Variants in HCLS1 observed in about 807,000 individuals in gnomAD.
The protein encoded by HCLS1 is hematopoietic lineage cell-specific protein.
HCLS1 carries 44 observed loss-of-function variants against 68.6 expected under a neutral mutation model. The ratio of observed to expected loss-of-function variants is 0.64; its 90% CI spans 0.50 to 0.82. HCLS1 has a LOEUF of 0.82. Among genes scored for constraint, HCLS1 ranks in the 40% least tolerant of loss-of-function variants. HCLS1 has a pLI of 0.00. For synonymous variants in HCLS1, 217 were observed against 225.8 expected (o/e 0.96, Z 0.35); for missense variants, 602 against 612.1 (o/e 0.98, Z 0.17).
chr3:121,637,999 G>C (rs2049165859), intron 6 of HCLS1, among the ~76,000 whole-genome samples: 1 of 152,052 alleles, frequency 6.6e-6, no homozygotes, highest in Non-Finnish European at 1.5e-5. Context: ...AGAAACCAGA[G>C]ACAAAGAGAT....
In HCLS1 at chr3:121,631,905, C is replaced by T. The variant is rs1306576458; in HGVS notation, c.1402G>A (p.Gly468Arg). The T allele has an allele frequency of 4.3e-6, 7 of 1,614,030 alleles. No homozygotes were observed. The highest frequency in any genetic ancestry group is 1.7e-5 in the Admixed American group (1 of 60,006). Residue 468 changes from glycine to arginine, a missense_variant, in exon 14 of 14, where the codon GGA (glycine) becomes AGA (arginine). Physicochemically the swap from Gly to Arg is moderately radical, Grantham distance 125. Coordinates refer to ENST00000314583, the MANE Select transcript of HCLS1 (RefSeq NM_005335.6). Reference sequence around the variant, plus strand: ...AGTCCAAAGTGGCCATGGCAACGTCCCCGCCACCAGCCCTCGTCCACCATC... The same window carrying T: ...AGTCCAAAGTGGCCATGGCAACGTCTCCGCCACCAGCCCTCGTCCACCATC... ...IEMVDEGWWR[G>R]RCHGHFGLFP...
Position 121,633,113 on chromosome 3 carries a change from C to T in HCLS1, c.962G>A (p.Arg321Lys), listed in dbSNP as rs780621432. Residue 321 changes from arginine (R) to lysine (K), a missense_variant, in exon 11 of 14, where the codon AGG (arginine) becomes AAG (lysine). By Grantham distance (26) the Arg-to-Lys change is conservative. Transcript: ENST00000314583. Reference sequence around the variant, plus strand: ...GGGCAGCAAGGGCACTGGGTGTTCCCTGCTGGTTCTCACAGGCTCAGACTC... The same window carrying T: ...GGGCAGCAAGGGCACTGGGTGTTCCTTGCTGGTTCTCACAGGCTCAGACTC... ...SSESEPVRTS[R>K]EHPVPLLPIR... 1.9e-6 allele frequency: 3 copies of T among 1,613,494 alleles called. No homozygotes were observed. Among genetic ancestry groups the T allele is most frequent in the Non-Finnish European group, 2.5e-6 (3 of 1,179,722 alleles).
At chr3:121,651,577 C>T (rs1334646597) in intron 3 of HCLS1, among the ~76,000 whole-genome samples, 2 of 152,086 alleles carry the variant, frequency 1.3e-5, no homozygotes, top group South Asian at 4.1e-4. Flanking sequence ...GCTCAGACCA[C>T]AGCCAGCCAA....
chr3:121,636,496 G>A lies in HCLS1; in HGVS notation c.566-7C>T, dbSNP rs976938477. 1.4e-5 allele frequency: 22 copies of A among 1,611,792 alleles called. No homozygotes were observed. The highest frequency in any genetic ancestry group is 1.8e-5 in the Non-Finnish European group (21 of 1,177,980). ...CCAAAGCCCTTGGCATAATCTGCAG[G>A]ACAGAAAGTTCTGAGTTATAGGAGA... On this transcript the variant is annotated splice_region_variant and splice_polypyrimidine_tract_variant and intron_variant, in intron 7 of 13. Transcript: ENST00000314583.
intron 4 of HCLS1, among the ~76,000 whole-genome samples, chr3:121,646,342 G>C (rs1362583553): frequency 2.3e-5 from 2 of 86,926 alleles, no homozygotes; most frequent in African/African-American, 4.7e-5. Flanking sequence ...ATTAATTATA[G>C]TATATAATAT....
intron 4 of HCLS1, among the ~76,000 whole-genome samples, chr3:121,646,883 T>C (rs1372801672): frequency 6.9e-6 from 1 of 144,830 alleles, no homozygotes; most frequent in African/African-American, 2.5e-5. Context: ...TGGCTCTTAT[T>C]ATAGAGGTAT....
intron 3 of HCLS1, among the ~76,000 whole-genome samples, chr3:121,648,238 C>T (rs1937653383): frequency 6.6e-6 from 1 of 152,146 alleles, no homozygotes; most frequent in Non-Finnish European, 1.5e-5. Flanking sequence ...TGCTATAACA[C>T]TTTAAGCCTC....
chr3:121,641,341 AG>A (rs778968400), intron 6 of HCLS1, among the ~76,000 whole-genome samples: 2 of 152,270 alleles, frequency 1.3e-5, no homozygotes, highest in Non-Finnish European at 2.9e-5. Context: ...TGCAACATAA[AG>A]ACATTTTTCA....
intron 6 of HCLS1, among the ~76,000 whole-genome samples, chr3:121,638,962 C>T (rs1266063671): frequency 6.6e-6 from 1 of 151,646 alleles, no homozygotes; most frequent in African/African-American, 2.4e-5. Context: ...AGGAGGGTGA[C>T]TTGAGCCCGG....
chr3:121,644,648 T>C, intron 5 of HCLS1, 170 bp downstream of exon 5: 1 of 709,056 alleles, frequency 1.4e-6, no homozygotes. Flanking sequence ...GCTTCCAACA[T>C]TGGCACCAAG....
Position 121,632,356 on chromosome 3 carries a change from A to C in HCLS1, c.1216T>G (p.Ser406Ala). ...DYEEVLEPED[S>A]SFSSALAGSS... ...CCAGCCAGAGCAGAAGAAAAAGAAG[A>C]ATCTTCAGGCTCGAGCACCTCCTCA... is the stretch of plus-strand genomic sequence containing the variant. The change falls in exon 12 of 14, where the codon TCT becomes GCT. Residue 406 changes from serine (S) to alanine (A), a missense_variant. Ser to Ala is a moderately conservative substitution (Grantham distance 99). Transcript: ENST00000314583. 1 of 1,614,094 alleles carries C rather than the reference A, an allele frequency of 6.2e-7. No homozygotes were observed. Among genetic ancestry groups the C allele is most frequent in the Non-Finnish European group, 8.5e-7 (1 of 1,180,020 alleles).
At chr3:121,635,168 G>A (rs2049137079) in intron 9 of HCLS1, among the ~76,000 whole-genome samples, 1 of 147,220 alleles carries the variant, frequency 6.8e-6, no homozygotes, top group Non-Finnish European at 1.5e-5. Context: ...ACGTCACTCT[G>A]TCTATCCACT....
chr3:121,633,306 C>T, intron 10 of HCLS1, 135 bp from the exon 11 acceptor site: 1 of 599,352 alleles, frequency 1.7e-6, no homozygotes. Flanking sequence ...ACCTCCGCCT[C>T]CCAGGTTCAA....
intron 1 of HCLS1, among the ~76,000 whole-genome samples, chr3:121,659,782 C>A (rs1937952022): frequency 6.6e-6 from 1 of 152,136 alleles, no homozygotes; most frequent in Non-Finnish European, 1.5e-5. Context: ...AAAGGACTGT[C>A]ACACAGAAAA....
Position 121,634,426 on chromosome 3 carries a change from C to G in HCLS1, c.692-8G>C. The stretch of plus-strand genomic sequence containing the variant: ...CACGGGTACCACTAGAAGCTGCAGA[C>G]ACAGGCAAGAAAAATTAGGGTTGTC... On this transcript the variant is annotated splice_polypyrimidine_tract_variant and splice_region_variant and intron_variant, in intron 9 of 13. Transcript: ENST00000314583. The G allele has an allele frequency of 6.2e-7, 1 of 1,613,734 alleles. No individual in the cohort carries two copies. Among genetic ancestry groups the G allele is most frequent in the Non-Finnish European group, 8.5e-7 (1 of 1,179,724 alleles).
intron 5 of HCLS1, chr3:121,644,323 A>G (rs1397526579): frequency 1.2e-5 from 3 of 246,662 alleles, no homozygotes; most frequent in Non-Finnish European, 1.7e-5. Flanking sequence ...TTTGTTTTGT[A>G]CAAAGGAGTC....
In HCLS1 at chr3:121,647,364, A is replaced by G. The variant is rs1336376123; in HGVS notation, c.243T>C (p.His81=). The G allele has an allele frequency of 1.2e-6, 2 of 1,613,716 alleles. No individual in the cohort carries two copies. Among genetic ancestry groups the G allele is most frequent in the African/African-American group, 1.3e-5 (1 of 74,838 alleles). ...KEMESGPKAS[H]GYGGRFGVER... is the part of the protein sequence containing the mutation. Reference sequence around the variant, plus strand: ...CTACTCCAAACCGACCTCCATAGCCATGGGATGCTTTGGGCCCTGACTCCA... The same window carrying G: ...CTACTCCAAACCGACCTCCATAGCCGTGGGATGCTTTGGGCCCTGACTCCA... Residue 81 remains histidine, a synonymous_variant, in exon 4 of 14, where the codon CAT becomes CAC. Coordinates refer to ENST00000314583, the MANE Select transcript of HCLS1 (RefSeq NM_005335.6).
intron 3 of HCLS1, among the ~76,000 whole-genome samples, chr3:121,652,483 G>A (rs1487310873): frequency 7.9e-5 from 12 of 152,066 alleles, no homozygotes; most frequent in South Asian, 4.2e-4. Context: ...GTTAAACCCC[G>A]TCTCTACTAA....
intron 5 of HCLS1, 23 bp from the exon 6 acceptor site, chr3:121,643,004 T>A: frequency 6.2e-6 from 10 of 1,603,898 alleles, no homozygotes; most frequent in Non-Finnish European, 8.5e-6. Context: ...GGAGACAGAA[T>A]TGGTTAGAGT....
Sources: gnomAD v4.1 joint callset for allele counts (sites outside exome capture counted in the v4.1 genomes callset) on GRCh38, gnomAD v4.1.1 for gene constraint, MANE v1.5 for transcripts, NCBI Gene and HGNC (gene_info 2026-07-23, HGNC 2026-07-21) for gene names.